CA1: variants seen among roughly 807,000 people sequenced by gnomAD.
The protein encoded by CA1 is carbonate dehydratase I.
Under a neutral mutation model 28.8 loss-of-function variants are expected in CA1, and 27 were observed. The observed-to-expected ratio is 0.94, with a 90% confidence interval of 0.69 to 1.29. The LOEUF is 1.29. CA1 is among the 50% of genes most tolerant of loss of function. The probability of loss-of-function intolerance (pLI) is 0.00; values close to 1 mark genes in which losing one functional copy is unlikely to be tolerated. For synonymous variants in CA1, 121 were observed against 108.8 expected (o/e 1.11, Z -0.70); for missense variants, 335 against 310.5 (o/e 1.08, Z -0.59).
At chr8:85,340,418 C>T (rs2130208377) in intron 2 of CA1, among the ~76,000 whole-genome samples, 1 of 152,304 alleles carries the variant, frequency 6.6e-6, no homozygotes, top group South Asian at 2.1e-4. Context: ...AAAGAAGATT[C>T]CTTTCAAAAT....
chr8:85,352,336 C>A (rs915959002), intron 1 of CA1, among the ~76,000 whole-genome samples: 5 of 152,194 alleles, frequency 3.3e-5, no homozygotes, highest in African/African-American at 1.2e-4. Context: ...CCTCTCTCTA[C>A]TTCCTCAGCA....
chr8:85,365,027 G>A (rs1809951144), intron 1 of CA1, among the ~76,000 whole-genome samples: 1 of 152,194 alleles, frequency 6.6e-6, no homozygotes, highest in African/African-American at 2.4e-5. Flanking sequence ...AGGATGAGAT[G>A]GGGAGGTGGG....
At chr8:85,361,802 T>C (rs529669726) in intron 1 of CA1, among the ~76,000 whole-genome samples, 5 of 152,340 alleles carry the variant, frequency 3.3e-5, no homozygotes, top group Non-Finnish European at 7.3e-5. Flanking sequence ...CATCCTTTCT[T>C]CACTGGACCA....
chr8:85,377,954 C>T (rs1810479194), intron 1 of CA1, 92 bp downstream of exon 1: 1 of 152,172 alleles, frequency 6.6e-6, no homozygotes, highest in Non-Finnish European at 1.5e-5. Flanking sequence ...GTAGGTAGGA[C>T]TGTATTTTAC....
chr8:85,372,110 G>A (rs1810250210), intron 1 of CA1, among the ~76,000 whole-genome samples: 1 of 152,112 alleles, frequency 6.6e-6, no homozygotes. Flanking sequence ...CAATCCTAGA[G>A]TCATGTTTAT....
chr8:85,368,976 A>G (rs1025471850), intron 1 of CA1, among the ~76,000 whole-genome samples: 6 of 152,102 alleles, frequency 3.9e-5, no homozygotes, highest in Non-Finnish European at 5.9e-5. Flanking sequence ...GGAGGCTCGA[A>G]AAAAGCTTCC....
At chr8:85,331,187 C>G (rs950182101) in intron 6 of CA1, among the ~76,000 whole-genome samples, 3 of 152,188 alleles carry the variant, frequency 2.0e-5, no homozygotes, top group Middle Eastern at 3.4e-3. Flanking sequence ...TCCCTTATTT[C>G]ACATTTTCTT....
In CA1 at chr8:85,333,629, G is replaced by T. The variant is rs370638699; in HGVS notation, c.355-9C>A. On this transcript the variant is annotated splice_polypyrimidine_tract_variant and intron_variant, in intron 4 of 7. Coordinates refer to ENST00000523022, the MANE Select transcript of CA1 (RefSeq NM_001128831.4). ...CAGTGAGCTACGTGAAGCTAAAAAT[G>T]ATACTATGGTTAATTAATTATTTAT... The T allele has an allele frequency of 2.6e-6, 4 of 1,544,790 alleles. No homozygotes were observed. Among genetic ancestry groups the T allele is most frequent in the African/African-American group, 1.4e-5 (1 of 73,506 alleles).
At chr8:85,331,217 C>G (rs1028954423) in intron 6 of CA1, among the ~76,000 whole-genome samples, 5 of 152,004 alleles carry the variant, frequency 3.3e-5, no homozygotes, top group African/African-American at 1.2e-4. Context: ...TCCATTTTAT[C>G]TAAATTTTCA....
intron 1 of CA1, among the ~76,000 whole-genome samples, chr8:85,352,595 A>T (rs1207895003): frequency 1.3e-5 from 2 of 151,102 alleles, no homozygotes; most frequent in Admixed American, 1.3e-4. Flanking sequence ...ACAGCCACTG[A>T]CTGCTGCCTA....
chr8:85,329,486 T>C (rs918724919), intron 7 of CA1, among the ~76,000 whole-genome samples: 10 of 152,020 alleles, frequency 6.6e-5, no homozygotes, highest in Non-Finnish European at 1.5e-4. Flanking sequence ...TCATTTTTTT[T>C]CTGCATAAAG....
At chr8:85,340,695 T>C (rs1174632582) in intron 2 of CA1, among the ~76,000 whole-genome samples, 1 of 152,202 alleles carries the variant, frequency 6.6e-6, no homozygotes, top group African/African-American at 2.4e-5. Flanking sequence ...ACATTTGTAA[T>C]TCATGGGAGA....
chr8:85,346,637 C>A (rs527677654), intron 1 of CA1, among the ~76,000 whole-genome samples: 2 of 152,080 alleles, frequency 1.3e-5, no homozygotes, highest in Non-Finnish European at 2.9e-5. Flanking sequence ...TGGTAGGCAC[C>A]TGTAATCCTA....
rs187290689 is a variant in CA1 at position 85,351,034 on chromosome 8, G to A, written c.-24-9375C>T. Reference sequence around the variant, plus strand: ...GCAGAGTTGGACAGGATTTTACTGCGTGGTTGCTTGCAGCTGGCAACAGCT... The same window carrying A: ...GCAGAGTTGGACAGGATTTTACTGCATGGTTGCTTGCAGCTGGCAACAGCT... On this transcript the variant is annotated intron_variant, in intron 1 of 7. Coordinates refer to ENST00000523022, the MANE Select transcript of CA1 (RefSeq NM_001128831.4). Among the ~76,000 whole-genome samples, 104 of 152,298 alleles carry A rather than the reference G, an allele frequency of 6.8e-4. 1 individual carries two copies. The highest frequency in any genetic ancestry group is 1.8e-3 in the Admixed American group (27 of 15,306).
At chr8:85,349,789 C>T (rs1402765208) in intron 1 of CA1, 1 of 152,182 alleles carries the variant, frequency 6.6e-6, no homozygotes, top group Non-Finnish European at 1.5e-5. Context: ...AATGCATATT[C>T]TACATTTCCA....
chr8:85,343,828 G>A (rs1020800988), intron 1 of CA1, among the ~76,000 whole-genome samples: 2 of 151,782 alleles, frequency 1.3e-5, no homozygotes, highest in Non-Finnish European at 2.9e-5. Context: ...ATTATATAGA[G>A]AAAGGATATA....
At chr8:85,338,582 A>G in intron 2 of CA1, 133 bp from the exon 3 acceptor site, 1 of 737,388 alleles carries the variant, frequency 1.4e-6, no homozygotes, top group Middle Eastern at 3.0e-4. Flanking sequence ...CTTAAGATTA[A>G]TAGAAATTCT....
chr8:85,377,371 G>C (rs1810457840), intron 1 of CA1, among the ~76,000 whole-genome samples: 1 of 152,122 alleles, frequency 6.6e-6, no homozygotes, highest in African/African-American at 2.4e-5. Context: ...AAATGCTTGA[G>C]AGATTCAGGT....
chr8:85,363,789 C>T (rs1485307436), intron 1 of CA1, among the ~76,000 whole-genome samples: 2 of 152,184 alleles, frequency 1.3e-5, no homozygotes, highest in Non-Finnish European at 2.9e-5. Context: ...AGCCCTGAAG[C>T]CCTGTTCCAG....
Sources: gnomAD v4.1 joint callset for allele counts (sites outside exome capture counted in the v4.1 genomes callset) on GRCh38, gnomAD v4.1.1 for gene constraint, MANE v1.5 for transcripts, NCBI Gene and HGNC (gene_info 2026-07-23, HGNC 2026-07-21) for gene names.